Variants in XIRP2 observed in about 807,000 individuals in gnomAD.
XIRP2 encodes xin actin binding repeat containing 2, also known as xin actin-binding repeat-containing protein 2.
Under a neutral mutation model 277.0 loss-of-function variants are expected in XIRP2, and 236 were observed. That is an observed-to-expected ratio of 0.85 (90% CI 0.77 to 0.95). XIRP2 has a LOEUF of 0.95. Ranked by LOEUF, XIRP2 falls within the 40% of genes least tolerant of loss-of-function variation. XIRP2 has a pLI of 0.00. For missense variants in XIRP2, 4,640 were observed against 4,157.5 expected (o/e 1.12, Z -3.19); for synonymous variants, 1,490 against 1,416.5 (o/e 1.05, Z -1.17).
intron 2 of XIRP2, among the ~76,000 whole-genome samples, chr2:167,014,107 T>G (rs938549897): frequency 1.3e-5 from 2 of 151,656 alleles, no homozygotes; most frequent in African/African-American, 4.8e-5. Flanking sequence ...AATGATGCTC[T>G]TATCCCCCTC....
intron 2 of XIRP2, among the ~76,000 whole-genome samples, chr2:166,966,017 A>G (rs1326126202): frequency 1.3e-5 from 2 of 151,890 alleles, no homozygotes; most frequent in Non-Finnish European, 2.9e-5. Flanking sequence ...AAATAAATAA[A>G]TTGTGTTTAT....
intron 5 of XIRP2, among the ~76,000 whole-genome samples, chr2:167,236,038 G>A (rs535485584): frequency 6.6e-6 from 1 of 151,992 alleles, no homozygotes; most frequent in Non-Finnish European, 1.5e-5. Context: ...TGACAAAGAT[G>A]TAAATAACAT....
At chr2:167,065,450 C>T (rs143072935) in intron 2 of XIRP2, among the ~76,000 whole-genome samples, 2 of 151,836 alleles carry the variant, frequency 1.3e-5, no homozygotes, top group East Asian at 3.9e-4. Flanking sequence ...TATTTTCTCC[C>T]ATTCTAGGTG....
intron 3 of XIRP2, chr2:167,140,671 A>G (rs1691690842): frequency 1.3e-5 from 2 of 152,202 alleles, no homozygotes; most frequent in African/African-American, 4.8e-5. Context: ...ATTTTAGTTC[A>G]TACAGGAGAC....
intron 5 of XIRP2, among the ~76,000 whole-genome samples, chr2:167,233,499 AAATGGGCCTG>A (rs1418375605): frequency 6.6e-6 from 1 of 151,858 alleles, no homozygotes; most frequent in Non-Finnish European, 1.5e-5. Context: ...ATGAGGACTT[AAATGGGCCTG>A]AAGTTCTAGG....
intron 2 of XIRP2, among the ~76,000 whole-genome samples, chr2:167,026,155 T>A (rs376737625): frequency 6.6e-6 from 1 of 152,194 alleles, no homozygotes; most frequent in Non-Finnish European, 1.5e-5. Context: ...TGGGTGCATA[T>A]ATATTTAGGA....
chr2:167,085,255 G>GA (rs1219893020), intron 2 of XIRP2, among the ~76,000 whole-genome samples: 1 of 151,700 alleles, frequency 6.6e-6, no homozygotes, highest in Non-Finnish European at 1.5e-5. Flanking sequence ...GAGCGGTTTT[G>GA]AGTGAGTTTC....
chr2:167,259,521 A>G lies in XIRP2; in HGVS notation c.*1704A>G. 1.5e-6 allele frequency: 1 copy of G among 656,606 alleles called. No individual in the cohort carries two copies. The highest frequency in any genetic ancestry group is 2.4e-6 in the Non-Finnish European group (1 of 417,624). The allele number at this position is 656,606 out of a possible 1,614,324, so 40.7% of individuals were successfully genotyped here. A position where few individuals can be genotyped will look rare whatever the true frequency, so the allele number is the denominator to read the frequency against. Reference sequence around the variant, plus strand: ...CTCAATGGGATATTTCTTGTATTACACCTTGTCATTTTTTTCACAATTTAT... The same window carrying G: ...CTCAATGGGATATTTCTTGTATTACGCCTTGTCATTTTTTTCACAATTTAT... On this transcript the variant is annotated 3_prime_UTR_variant, in exon 11 of 11. Coordinates refer to ENST00000409195, the MANE Select transcript of XIRP2 (RefSeq NM_152381.6).
intron 3 of XIRP2, among the ~76,000 whole-genome samples, chr2:167,173,531 T>C (rs1692755630): frequency 6.6e-6 from 1 of 152,344 alleles, no homozygotes; most frequent in Non-Finnish European, 1.5e-5. Context: ...CATTTATCTG[T>C]TGATGGACAT....
intron 2 of XIRP2, among the ~76,000 whole-genome samples, chr2:167,034,999 G>A (rs540924976): frequency 3.3e-5 from 5 of 152,238 alleles, no homozygotes; most frequent in African/African-American, 9.6e-5. Flanking sequence ...AGGGGTTTCC[G>A]CTTTTGCTTC....
At chr2:167,029,981 T>C (rs1002399141) in intron 2 of XIRP2, among the ~76,000 whole-genome samples, 5 of 151,978 alleles carry the variant, frequency 3.3e-5, no homozygotes, top group Non-Finnish European at 7.4e-5. Flanking sequence ...TTCTTATAGA[T>C]TTTTCTAGTT....
chr2:167,014,030 C>CT (rs35397745), intron 2 of XIRP2, among the ~76,000 whole-genome samples: 79,741 of 151,052 alleles, frequency 0.53, 23,080 homozygotes, highest in East Asian at 0.82. Context: ...CATAATTAAT[C>CT]TGCTCATGAT....
intron 1 of XIRP2, among the ~76,000 whole-genome samples, chr2:166,896,447 G>C (rs1461728552): frequency 6.6e-6 from 1 of 151,120 alleles, no homozygotes; most frequent in East Asian, 1.9e-4. Context: ...ATAGGCCTAG[G>C]CCAATAATGT....
At chr2:166,900,770 G>C (rs572809418) in intron 1 of XIRP2, among the ~76,000 whole-genome samples, 23 of 152,152 alleles carry the variant, frequency 1.5e-4, no homozygotes, top group African/African-American at 5.5e-4. Context: ...TTGCCAGAAG[G>C]AAGCCCTCAA....
chr2:167,238,076 C>A (rs1026255903), intron 5 of XIRP2, among the ~76,000 whole-genome samples: 9 of 152,158 alleles, frequency 5.9e-5, no homozygotes, highest in African/African-American at 2.2e-4. Flanking sequence ...GCACTTTGTT[C>A]ATTGTTCTAT....
chr2:166,952,198 G>A (rs1686053673), intron 2 of XIRP2, among the ~76,000 whole-genome samples: 1 of 151,872 alleles, frequency 6.6e-6, no homozygotes, highest in Non-Finnish European at 1.5e-5. Flanking sequence ...AGGTTTGCTG[G>A]CATGTGTGTC....
intron 2 of XIRP2, among the ~76,000 whole-genome samples, chr2:167,080,861 T>G (rs2105261642): frequency 6.6e-6 from 1 of 152,230 alleles, no homozygotes; most frequent in Admixed American, 6.5e-5. Flanking sequence ...ACAAATCATG[T>G]TTAAGGTTGC....
intron 3 of XIRP2, among the ~76,000 whole-genome samples, chr2:167,201,253 A>G (rs1242193960): frequency 0.022 from 2,040 of 92,286 alleles, 47 homozygotes; most frequent in African/African-American, 0.073. Context: ...AAAGAAAGAA[A>G]GAAAGAAAGA....
chr2:166,964,832 T>G (rs1686388228), intron 2 of XIRP2, among the ~76,000 whole-genome samples: 1 of 151,866 alleles, frequency 6.6e-6, no homozygotes, highest in Non-Finnish European at 1.5e-5. Context: ...TTCTTCTAGT[T>G]GCCCTTTCTG....
Sources: allele counts gnomAD v4.1 joint callset (sites outside exome capture counted in the v4.1 genomes callset), GRCh38; gene constraint gnomAD v4.1.1; transcripts MANE v1.5; gene names NCBI Gene and HGNC (gene_info 2026-07-23, HGNC 2026-07-21).